The following DOK2 variants were observed in gnomAD, a reference collection of about 807,000 sequenced individuals.
The protein encoded by DOK2 is docking protein 2, 56kD.
A neutral mutation model predicts 26.0 loss-of-function variants in DOK2; 28 were observed. That is an observed-to-expected ratio of 1.08 (90% CI 0.80 to 1.48). The LOEUF (loss-of-function observed/expected upper bound fraction) is 1.48. Among genes scored for constraint, DOK2 ranks in the 40% most tolerant of loss-of-function variants. The pLI is 0.00. For synonymous variants in DOK2, 282 were observed against 236.9 expected (o/e 1.19, Z -1.75); for missense variants, 682 against 558.2 (o/e 1.22, Z -2.23).
chr8:21,909,078 A>G lies in DOK2; in HGVS notation c.*233T>C. 1 of 438,050 alleles carries G rather than the reference A, an allele frequency of 2.3e-6. No homozygotes were observed. The highest frequency in any genetic ancestry group is 3.9e-5 in the Admixed American group (1 of 25,572). The allele number at this position is 438,050 out of a possible 1,614,324, so 27.1% of individuals were successfully genotyped here. A position where few individuals can be genotyped will look rare whatever the true frequency, so the allele number is the denominator to read the frequency against. ...GGTTCCTCCTCAGCTGGGGAAAGAA[A>G]GAGGAGGAAGTGGAAAAAGAGTAGG... On this transcript the variant is annotated 3_prime_UTR_variant, in exon 5 of 5. Transcript: ENST00000276420.
At chr8:21,912,773 G>A (rs1809910766) in intron 1 of DOK2, among the ~76,000 whole-genome samples, 1 of 152,202 alleles carries the variant, frequency 6.6e-6, no homozygotes, top group South Asian at 2.1e-4. Context: ...AGAAAGCAAC[G>A]CCGGGATGAG....
chr8:21,909,616 T>TC lies in DOK2; in HGVS notation c.933dup (p.Lys312GlufsTer23). On this transcript the variant is annotated frameshift_variant, in exon 5 of 5. Coordinates refer to ENST00000276420, the MANE Select transcript of DOK2 (RefSeq NM_003974.4). LOFTEE classifies it low-confidence loss of function (END_TRUNC). Reference sequence around the variant, plus strand: ...ACTGCCAAGATGCCCCTGAAGTTCTTCCCCAAGGAACGGGCCACCGCATCG... The same window carrying TC: ...ACTGCCAAGATGCCCCTGAAGTTCTTCCCCCAAGGAACGGGCCACCGCATCG... The TC allele has an allele frequency of 2.5e-6, 4 of 1,613,676 alleles. No homozygotes were observed. The highest frequency in any genetic ancestry group is 3.4e-6 in the Non-Finnish European group (4 of 1,180,006).
intron 1 of DOK2, among the ~76,000 whole-genome samples, chr8:21,912,958 C>T (rs1486009458): frequency 6.6e-6 from 1 of 152,212 alleles, no homozygotes; most frequent in Non-Finnish European, 1.5e-5. Flanking sequence ...CTTCTCTCCA[C>T]CCTCCTGAAC....
At position 21,909,666 on chromosome 8, in the gene DOK2, T is replaced by C; in HGVS notation, c.884A>G (p.Gln295Arg). 6.2e-7 allele frequency: 1 copy of C among 1,613,052 alleles called. No homozygotes were observed. The highest frequency in any genetic ancestry group is 8.5e-7 in the Non-Finnish European group (1 of 1,180,018). Residue 295 changes from glutamine to arginine, a missense_variant, in exon 5 of 5, where the codon CAG (glutamine) becomes CGG (arginine). Gln to Arg is a conservative substitution (Grantham distance 43, BLOSUM62 1). Coordinates refer to ENST00000276420, the MANE Select transcript of DOK2 (RefSeq NM_003974.4). Reference sequence around the variant, plus strand: ...GAAGGGCACGGCATACTCCCCCTCCTGGCCCCGAGGCCGTGGAGCAGGCAC... The same window carrying C: ...GAAGGGCACGGCATACTCCCCCTCCCGGCCCCGAGGCCGTGGAGCAGGCAC... ...TPVPAPRPRG[Q>R]EGEYAVPFDA...
rs1304866203 is a variant in DOK2, at chr8:21,911,741, C to T, written c.433+160G>A. On this transcript the variant is annotated intron_variant, in intron 3 of 4. Transcript: ENST00000276420. ...TAGGCTCCCTACGTTGGGCTGCACC[C>T]GGAAGCGAGAAGGAGAGGCTGATAA... is the stretch of plus-strand genomic sequence containing the variant. Among the ~76,000 whole-genome samples, 9 of 152,134 alleles carry T rather than the reference C, an allele frequency of 5.9e-5. No homozygotes were observed. The East Asian group carries it at 1.5e-3, about 26-fold the overall frequency.
chr8:21,912,035 C>A (rs1314104504), intron 2 of DOK2, 47 bp from the exon 3 acceptor site: 5 of 1,521,468 alleles, frequency 3.3e-6, no homozygotes, highest in Admixed American at 2.1e-5. Flanking sequence ...ATCCCCAGGC[C>A]CCCCTCTGGC....
At chr8:21,910,475 G>A (rs577282664) in intron 4 of DOK2, among the ~76,000 whole-genome samples, 198 bp downstream of exon 4, 1 of 152,172 alleles carries the variant, frequency 6.6e-6, no homozygotes, top group East Asian at 1.9e-4. Context: ...TAGTTCAGAC[G>A]CTGTTTACCC....
At chr8:21,913,334 GCA>G (rs1401856325) in intron 1 of DOK2, among the ~76,000 whole-genome samples, 1 of 152,220 alleles carries the variant, frequency 6.6e-6, no homozygotes, top group African/African-American at 2.4e-5. Context: ...TCAGTAAGGA[GCA>G]CAGTTTGGGA....
At chr8:21,910,899 A>G in intron 3 of DOK2, 42 bp from the exon 4 acceptor site, 1 of 1,555,280 alleles carries the variant, frequency 6.4e-7, no homozygotes, top group African/African-American at 1.4e-5. Context: ...AGTTAATGGG[A>G]AACAGCTGGC....
intron 4 of DOK2, among the ~76,000 whole-genome samples, chr8:21,910,202 G>A (rs958483773): frequency 1.3e-5 from 2 of 151,978 alleles, no homozygotes; most frequent in African/African-American, 2.4e-5. Context: ...GGATGGTCTC[G>A]ATCTCTTGAC....
intron 4 of DOK2, among the ~76,000 whole-genome samples, chr8:21,910,466 A>G (rs951065725): frequency 2.0e-5 from 3 of 152,036 alleles, no homozygotes; most frequent in Non-Finnish European, 4.4e-5. Context: ...GCTAGGCACT[A>G]GTTCAGACGC....
intron 2 of DOK2, 116 bp from the exon 3 acceptor site, chr8:21,912,104 T>C: frequency 6.8e-7 from 1 of 1,466,678 alleles, no homozygotes; most frequent in Non-Finnish European, 9.0e-7. Context: ...TGGGTTCGGG[T>C]CCCCCCACAT....
At position 21,910,280 on chromosome 8, in the gene DOK2, A is replaced by G. The variant is rs190519891; in HGVS notation, c.619-349T>C. 1.4e-3 allele frequency among the ~76,000 whole-genome samples: 218 copies of G among 152,134 alleles called. 1 individual carries two copies. The highest frequency in any genetic ancestry group is 4.9e-3 in the African/African-American group (205 of 41,524). Reference sequence around the variant, plus strand: ...CAGGCACGAGCCACCGCGCCCAGCTAGGGATGCTTTCTTAAACCCCATCCC... The same window carrying G: ...CAGGCACGAGCCACCGCGCCCAGCTGGGGATGCTTTCTTAAACCCCATCCC... On this transcript the variant is annotated intron_variant, in intron 4 of 4. Transcript: ENST00000276420.
intron 3 of DOK2, chr8:21,911,175 A>C: frequency 3.0e-6 from 1 of 333,914 alleles, no homozygotes; most frequent in Non-Finnish European, 5.5e-6. Context: ...TCTCACCCCA[A>C]ACCAGCCACC....
chr8:21,911,064 C>G, intron 3 of DOK2: 2 of 601,960 alleles, frequency 3.3e-6, no homozygotes, highest in South Asian at 2.1e-5. Context: ...ACCCCCTACC[C>G]TAGTAGGCAT....
chr8:21,913,583 T>C lies in DOK2; in HGVS notation c.19A>G (p.Lys7Glu), dbSNP rs1809941162. The change falls in exon 1 of 5, where the codon AAA becomes GAA. Residue 7 changes from lysine (K) to glutamate (E), a missense_variant. By Grantham distance (56) the Lys-to-Glu change is moderately conservative (BLOSUM62 1). Coordinates refer to ENST00000276420, the MANE Select transcript of DOK2 (RefSeq NM_003974.4). The stretch of plus-strand genomic sequence containing the variant: ...TGCTGAAGATACAAGAAGCCTTGTT[T>C]CACTGCCCCGTCTCCCATCCTCTGA... MGDGAV[K>E]QGFLYLQQQQ... 1.1e-5 allele frequency: 17 copies of C among 1,613,922 alleles called. No individual in the cohort carries two copies. In the East Asian group the frequency reaches 3.8e-4, roughly 36 times the overall value.
chr8:21,909,458 C>G lies in DOK2; in HGVS notation c.1092G>C (p.Arg364=). The change falls in exon 5 of 5, where the codon CGG becomes CGC. Residue 364 remains arginine, a synonymous_variant. Transcript: ENST00000276420. ...LSLYDSPQEP[R]GEAWRRQATA... ...TCGCCTGCCTCCTCCATGCCTCACC[C>G]CGGGGCTCCTGCGGGCTGTCATAGA... 1.9e-6 allele frequency: 3 copies of G among 1,613,600 alleles called. No individual in the cohort carries two copies. Among genetic ancestry groups the G allele is most frequent in the Non-Finnish European group, 1.7e-6 (2 of 1,179,642 alleles).
In DOK2 at chr8:21,909,280, G is replaced by A; in HGVS notation, c.*31C>T. ...AGGAGGAGTCACCAGCAGAAGCCAA[G>A]GGGCGGTGGACCATCCCTCTGCTGC... On this transcript the variant is annotated 3_prime_UTR_variant, in exon 5 of 5. Coordinates refer to ENST00000276420, the MANE Select transcript of DOK2 (RefSeq NM_003974.4). 4.0e-6 allele frequency: 6 copies of A among 1,515,148 alleles called. No individual in the cohort carries two copies. Among genetic ancestry groups the A allele is most frequent in the Non-Finnish European group, 4.4e-6 (5 of 1,132,604 alleles). The allele number at this position is 1,515,148 out of a possible 1,614,324, so 93.9% of individuals were successfully genotyped here. A position where few individuals can be genotyped will look rare whatever the true frequency, so the allele number is the denominator to read the frequency against.
Position 21,911,925 on chromosome 8 carries a change from C to T in DOK2, c.409G>A (p.Glu137Lys). Reference sequence around the variant, plus strand: ...CCTGTGACTGCGCTGCTGTACAATTCATTTTCCTCCATGCAGGGCCGGCTC... The same window carrying T: ...CCTGTGACTGCGCTGCTGTACAATTTATTTTCCTCCATGCAGGGCCGGCTC... ...KQSRPCMEEN[E>K]LYSSAVTVGP... Residue 137 changes from glutamate to lysine, a missense_variant, in exon 3 of 5, where the codon GAA becomes AAA. By Grantham distance (56) the Glu-to-Lys change is moderately conservative. Transcript: ENST00000276420. The T allele has an allele frequency of 1.3e-6, 2 of 1,563,042 alleles. No homozygotes were observed. Among genetic ancestry groups the T allele is most frequent in the African/African-American group, 1.4e-5 (1 of 74,030 alleles).
Sources: gnomAD v4.1 joint callset for allele counts (sites outside exome capture counted in the v4.1 genomes callset) on GRCh38, gnomAD v4.1.1 for gene constraint, MANE v1.5 for transcripts, NCBI Gene and HGNC (gene_info 2026-07-23, HGNC 2026-07-21) for gene names.